Variants in MYO9B observed in about 807,000 individuals in gnomAD.
MYO9B encodes the protein unconventional myosin-IXb.
In MYO9B, 71 loss-of-function variants were observed where a neutral mutation model predicts 229.5. The ratio of observed to expected loss-of-function variants is 0.31; its 90% CI spans 0.26 to 0.38. MYO9B has a LOEUF of 0.38. MYO9B is among the 10% of genes least tolerant of loss of function. MYO9B has a pLI of 1.00. For missense variants in MYO9B, 2,255 were observed against 2,920.5 expected (o/e 0.77, Z 5.25); for synonymous variants, 1,185 against 1,235.8 (o/e 0.96, Z 0.86).
intron 1 of MYO9B, among the ~76,000 whole-genome samples, chr19:17,088,823 T>A (rs1186444456): frequency 1.3e-5 from 2 of 152,176 alleles, no homozygotes; most frequent in African/African-American, 4.8e-5. Context: ...CCTGAGTACC[T>A]GGGACCACAG....
intron 6 of MYO9B, among the ~76,000 whole-genome samples, chr19:17,155,020 G>A (rs985903188): frequency 6.6e-6 from 1 of 151,878 alleles, no homozygotes; most frequent in Non-Finnish European, 1.5e-5. Flanking sequence ...TAATCACAGT[G>A]CTTTGGAAGG....
intron 35 of MYO9B, chr19:17,207,733 T>G (rs971850845): frequency 6.6e-6 from 1 of 151,828 alleles, no homozygotes; most frequent in Non-Finnish European, 1.5e-5. Context: ...AAAATTAGGC[T>G]GGACGAGGTG....
chr19:17,156,098 C>T (rs1272601722), intron 6 of MYO9B, among the ~76,000 whole-genome samples: 1 of 151,668 alleles, frequency 6.6e-6, no homozygotes, highest in East Asian at 1.9e-4. Context: ...ACTGGCCAGA[C>T]ACAAGTACCA....
intron 3 of MYO9B, among the ~76,000 whole-genome samples, chr19:17,150,457 C>T (rs1161588446): frequency 6.6e-6 from 1 of 151,832 alleles, no homozygotes; most frequent in Non-Finnish European, 1.5e-5. Context: ...GTTCAGCAGA[C>T]CCTGAATTGG....
In MYO9B at chr19:17,164,125, G is replaced by GA. The variant is rs566611096; in HGVS notation, c.1671+1007dup. 3.9e-4 allele frequency among the ~76,000 whole-genome samples: 59 copies of GA among 152,284 alleles called. 1 individual carries two copies. The South Asian group carries it at 0.012, about 30-fold the overall frequency. Reference sequence around the variant, plus strand: ...TGTTGTTGCACACCCAGCCCAAAGGGAAAATAGCATGAGCTAGAACCGGAA... The same window carrying GA: ...TGTTGTTGCACACCCAGCCCAAAGGGAAAAATAGCATGAGCTAGAACCGGAA... On this transcript the variant is annotated intron_variant, in intron 10 of 39. Transcript: ENST00000682292.
rs762623209 is a variant in MYO9B at position 17,102,315 on chromosome 19, G to A, written c.598G>A (p.Val200Met). 3.1e-6 allele frequency: 5 copies of A among 1,613,910 alleles called. No individual in the cohort carries two copies. The highest frequency in any genetic ancestry group is 1.3e-5 in the African/African-American group (1 of 74,922). Reference sequence around the variant, plus strand: ...CCTGCCCATCTACAACCCCAAGTACGTGAAGATGTATGAGAACCAGCAGCT... The same window carrying A: ...CCTGCCCATCTACAACCCCAAGTACATGAAGATGTATGAGAACCAGCAGCT... ...KFLPIYNPKY[V>M]KMYENQQLGK... Residue 200 changes from valine to methionine, a missense_variant, in exon 2 of 40, where the codon GTG becomes ATG. Transcript: ENST00000682292.
chr19:17,175,345 G>A (rs562444058), intron 13 of MYO9B, among the ~76,000 whole-genome samples: 2 of 151,930 alleles, frequency 1.3e-5, no homozygotes, highest in South Asian at 4.2e-4. Flanking sequence ...AGGATTTTGG[G>A]AGGCCAAGGT....
intron 2 of MYO9B, among the ~76,000 whole-genome samples, chr19:17,104,393 A>G (rs898830021): frequency 1.3e-5 from 2 of 152,116 alleles, no homozygotes; most frequent in South Asian, 2.1e-4. Flanking sequence ...GGAGCCCTCG[A>G]TGTGCCACTG....
rs144534093 is a variant in MYO9B at position 17,211,539 on chromosome 19, G to A, written c.5931-108G>A. 1.2e-4 allele frequency: 125 copies of A among 1,077,748 alleles called. No homozygotes were observed. In the African/African-American group the frequency reaches 1.7e-3, roughly 15 times the overall value. The allele number at this position is 1,077,748 out of a possible 1,614,324, so 66.8% of individuals were successfully genotyped here. Reference sequence around the variant, plus strand: ...ATCCTCCTGCTTGGGGTGGGGGGAGGTTGGGGACACAGAGTTACATCTAGG... The same window carrying A: ...ATCCTCCTGCTTGGGGTGGGGGGAGATTGGGGACACAGAGTTACATCTAGG... On this transcript the variant is annotated intron_variant, in intron 38 of 39. Coordinates refer to ENST00000682292, the MANE Select transcript of MYO9B (RefSeq NM_004145.4).
At chr19:17,166,099 A>G (rs1371849686) in intron 10 of MYO9B, among the ~76,000 whole-genome samples, 1 of 151,900 alleles carries the variant, frequency 6.6e-6, no homozygotes, top group Non-Finnish European at 1.5e-5. Context: ...CCGGAGTGCA[A>G]TGGTGCAATC....
chr19:17,090,381 G>A (rs1008122495), intron 1 of MYO9B, among the ~76,000 whole-genome samples: 1 of 152,074 alleles, frequency 6.6e-6, no homozygotes, highest in African/African-American at 2.4e-5. Flanking sequence ...GAACTCATGA[G>A]CTCAAGCGGT....
chr19:17,098,340 C>T (rs1009789964), intron 1 of MYO9B, among the ~76,000 whole-genome samples: 5 of 152,320 alleles, frequency 3.3e-5, no homozygotes, highest in East Asian at 1.9e-4. Flanking sequence ...CAAGCGTGAG[C>T]GACCGCGCCT....
chr19:17,106,707 C>T (rs1230575713), intron 2 of MYO9B, among the ~76,000 whole-genome samples: 1 of 152,178 alleles, frequency 6.6e-6, no homozygotes, highest in East Asian at 1.9e-4. Flanking sequence ...AGGAGGATTG[C>T]GTGAGCCTAG....
At chr19:17,078,050 C>T (rs1301398575) in intron 1 of MYO9B, among the ~76,000 whole-genome samples, 5 of 152,176 alleles carry the variant, frequency 3.3e-5, no homozygotes, top group Non-Finnish European at 2.9e-5. Flanking sequence ...ATTCTCTCCC[C>T]ACATGGACTT....
chr19:17,151,140 G>A (rs150017302), intron 3 of MYO9B, among the ~76,000 whole-genome samples: 4 of 152,188 alleles, frequency 2.6e-5, no homozygotes, highest in East Asian at 1.9e-4. Flanking sequence ...TTAACTGGGC[G>A]TGGTGGTGGG....
rs543579046 is a variant in MYO9B, at chr19:17,129,388, C to A, written c.841-16009C>A. Reference sequence around the variant, plus strand: ...CTGCACTCCAGCTTGGGCGACAGAGCGAGACAGTTTCAACAACAACAACAA... The same window carrying A: ...CTGCACTCCAGCTTGGGCGACAGAGAGAGACAGTTTCAACAACAACAACAA... On this transcript the variant is annotated intron_variant, in intron 2 of 39. Transcript: ENST00000682292. Among the ~76,000 whole-genome samples, 11 of 151,784 alleles carry A rather than the reference C, an allele frequency of 7.2e-5. No individual in the cohort carries two copies. In the East Asian group the frequency reaches 1.3e-3, roughly 19 times the overall value.
chr19:17,167,563 T>G (rs1329732996), intron 10 of MYO9B, among the ~76,000 whole-genome samples: 1 of 146,728 alleles, frequency 6.8e-6, no homozygotes, highest in Admixed American at 7.0e-5. Context: ...CACTGCAACC[T>G]CCACTTCCCG....
Position 17,194,872 on chromosome 19 carries a change from G to A in MYO9B, c.3445G>A (p.Glu1149Lys). Residue 1149 changes from glutamate (E) to lysine (K), a missense_variant, in exon 22 of 40, where the codon GAG becomes AAG. Coordinates refer to ENST00000682292, the MANE Select transcript of MYO9B (RefSeq NM_004145.4). The part of the protein sequence containing the change: ...EKVPSSREKR[E>K]SRRQRGLEHV... ...AGTCCCCAGCAGCCGGGAGAAGCGT[G>A]AGTCGCGTCGGCAAAGAGGGCTGGA... The A allele has an allele frequency of 6.2e-7, 1 of 1,613,364 alleles. No homozygotes were observed. Among genetic ancestry groups the A allele is most frequent in the South Asian group, 1.1e-5 (1 of 91,084 alleles).
intron 13 of MYO9B, among the ~76,000 whole-genome samples, chr19:17,174,367 G>A (rs1490675108): frequency 2.0e-5 from 3 of 152,116 alleles, no homozygotes; most frequent in Non-Finnish European, 4.4e-5. Flanking sequence ...GCCAGGTGCA[G>A]TGGCTCAAGC....
Sources: gnomAD v4.1 joint callset for allele counts (sites outside exome capture counted in the v4.1 genomes callset) on GRCh38, gnomAD v4.1.1 for gene constraint, MANE v1.5 for transcripts, NCBI Gene and HGNC (gene_info 2026-07-23, HGNC 2026-07-21) for gene names.